The following PRKG1 variants were observed in gnomAD, a reference collection of about 807,000 sequenced individuals.
PRKG1 encodes protein kinase cGMP-dependent 1, also known as cGMP-dependent protein kinase 1.
Under a neutral mutation model 88.1 loss-of-function variants are expected in PRKG1, and 35 were observed. The observed-to-expected ratio is 0.40, with a 90% CI of 0.30 to 0.53. The LOEUF is 0.53. Among genes scored for constraint, PRKG1 ranks in the 20% least tolerant of loss-of-function variants. The pLI, the probability that PRKG1 is intolerant of heterozygous loss-of-function variation, is 0.59. For missense variants in PRKG1, 540 were observed against 839.8 expected (o/e 0.64, Z 4.41); for synonymous variants, 303 against 292.5 (o/e 1.04, Z -0.37).
intron 7 of PRKG1, among the ~76,000 whole-genome samples, chr10:52,098,592 C>T (rs914922253): frequency 6.6e-6 from 1 of 152,040 alleles, no homozygotes; most frequent in Non-Finnish European, 1.5e-5. Context: ...AGGTGGATAA[C>T]GTGAGGTCAG....
At chr10:51,188,418 T>A (rs1837549307) in intron 2 of PRKG1, among the ~76,000 whole-genome samples, 1 of 151,992 alleles carries the variant, frequency 6.6e-6, no homozygotes, top group South Asian at 2.1e-4. Flanking sequence ...AAGTAGTTTT[T>A]CAATGTCTAT....
chr10:51,259,075 G>A (rs1839637261), intron 2 of PRKG1, among the ~76,000 whole-genome samples: 2 of 152,064 alleles, frequency 1.3e-5, no homozygotes, highest in African/African-American at 4.8e-5. Context: ...TGTATGTTTG[G>A]CTTATTTCTT....
intron 2 of PRKG1, among the ~76,000 whole-genome samples, chr10:51,438,323 A>G (rs1188677620): frequency 6.6e-6 from 1 of 151,970 alleles, no homozygotes; most frequent in Non-Finnish European, 1.5e-5. Context: ...ATTATCATTA[A>G]CTACAGCCAA....
rs1000811597 is a variant in PRKG1 at position 51,755,749 on chromosome 10, G to A, written c.593-48836G>A. ...AAATAACACTGGCATCATGCATTTG[G>A]ATTTTCACATATTACCTTTCCTGTG... On this transcript the variant is annotated intron_variant, in intron 3 of 17. Transcript: ENST00000373980. Among the ~76,000 whole-genome samples the A allele has an allele frequency of 2.0e-5, 3 of 152,110 alleles. No individual in the cohort carries two copies. The South Asian group carries it at 6.2e-4, about 31-fold the overall frequency.
At chr10:52,115,209 A>G (rs1252367385) in intron 7 of PRKG1, among the ~76,000 whole-genome samples, 3 of 152,004 alleles carry the variant, frequency 2.0e-5, no homozygotes, top group Non-Finnish European at 4.4e-5. Context: ...CCCAAACAAC[A>G]TTGGCCATAC....
At chr10:51,309,733 C>T in intron 2 of PRKG1, among the ~76,000 whole-genome samples, 1 of 152,046 alleles carries the variant, frequency 6.6e-6, no homozygotes, top group Admixed American at 6.6e-5. Flanking sequence ...ACCAGCAATA[C>T]CACTACTGGG....
chr10:51,431,388 C>A (rs1031687411), intron 2 of PRKG1, among the ~76,000 whole-genome samples: 3 of 152,138 alleles, frequency 2.0e-5, no homozygotes, highest in Non-Finnish European at 2.9e-5. Context: ...GGAGTTTCCA[C>A]GGGAAGGACA....
At chr10:51,090,314 T>A (rs1844368919) in intron 1 of PRKG1, among the ~76,000 whole-genome samples, 1 of 152,134 alleles carries the variant, frequency 6.6e-6, no homozygotes, top group Non-Finnish European at 1.5e-5. Context: ...GGAAAGAAGT[T>A]CAGTAATGAC....
chr10:51,059,057 T>G (rs1843666374), intron 1 of PRKG1, among the ~76,000 whole-genome samples: 1 of 152,212 alleles, frequency 6.6e-6, no homozygotes, highest in African/African-American at 2.4e-5. Context: ...GGTATAGAAA[T>G]ACATTTTTAA....
chr10:51,722,008 G>T (rs973416505), intron 3 of PRKG1, among the ~76,000 whole-genome samples: 1 of 152,130 alleles, frequency 6.6e-6, no homozygotes, highest in Non-Finnish European at 1.5e-5. Flanking sequence ...GAGGCAGGTG[G>T]CTCAAGAGGT....
chr10:51,648,039 T>TAC (rs3087021), intron 3 of PRKG1, among the ~76,000 whole-genome samples: 2,239 of 149,980 alleles, frequency 0.015, 15 homozygotes, highest in Middle Eastern at 0.021. Context: ...TGGTTACACA[T>TAC]ACACACACAC....
chr10:51,956,148 T>C (rs1285270892), intron 5 of PRKG1, among the ~76,000 whole-genome samples: 1 of 152,154 alleles, frequency 6.6e-6, no homozygotes, highest in Non-Finnish European at 1.5e-5. Context: ...TGGCTTCCTG[T>C]TGCAAATGTC....
chr10:52,229,966 C>A (rs562778201), intron 9 of PRKG1, among the ~76,000 whole-genome samples: 1 of 152,178 alleles, frequency 6.6e-6, no homozygotes, highest in Admixed American at 6.5e-5. Context: ...TAGTTTGGTC[C>A]TTTTATTCGC....
intron 3 of PRKG1, among the ~76,000 whole-genome samples, chr10:51,615,750 T>C (rs1839035411): frequency 6.6e-6 from 1 of 151,878 alleles, no homozygotes; most frequent in Non-Finnish European, 1.5e-5. Context: ...TGTTTTTCAG[T>C]ATTCCCCTGT....
intron 3 of PRKG1, among the ~76,000 whole-genome samples, chr10:51,666,957 G>T (rs1840436744): frequency 6.6e-6 from 1 of 151,936 alleles, no homozygotes; most frequent in South Asian, 2.1e-4. Flanking sequence ...ACTAAGCCTG[G>T]CTAATTTTTT....
intron 2 of PRKG1, among the ~76,000 whole-genome samples, chr10:51,280,100 C>A: frequency 6.6e-6 from 1 of 152,172 alleles, no homozygotes; most frequent in African/African-American, 2.4e-5. Flanking sequence ...ATTTGCTTGT[C>A]TGTAAAGGAT....
rs372325005 is a variant in PRKG1, at chr10:51,225,812, A to G, written c.478+72482A>G. On this transcript the variant is annotated intron_variant, in intron 2 of 17. Transcript: ENST00000373980. ...ATTCACTGTATAGAACTCACAGAAT[A>G]TAGAATAGTTGCTAGAGCACAGAAA... Among the ~76,000 whole-genome samples, 26 of 152,314 alleles carry G rather than the reference A, an allele frequency of 1.7e-4. No individual in the cohort carries two copies. In the South Asian group the frequency reaches 5.4e-3, roughly 32 times the overall value.
At chr10:51,711,468 C>T (rs990834924) in intron 3 of PRKG1, among the ~76,000 whole-genome samples, 1 of 152,120 alleles carries the variant, frequency 6.6e-6, no homozygotes, top group Non-Finnish European at 1.5e-5. Flanking sequence ...ATAATTGTTG[C>T]CCACTATGTC....
intron 9 of PRKG1, among the ~76,000 whole-genome samples, chr10:52,247,662 CCA>C (rs995477792): frequency 3.9e-5 from 6 of 152,130 alleles, no homozygotes; most frequent in African/African-American, 1.4e-4. Context: ...TCTAAAACAT[CCA>C]CAGTTTAGCC....
Sources: allele counts gnomAD v4.1 joint callset (sites outside exome capture counted in the v4.1 genomes callset), GRCh38; gene constraint gnomAD v4.1.1; transcripts MANE v1.5; gene names NCBI Gene and HGNC (gene_info 2026-07-23, HGNC 2026-07-21).